The following GPC5 variants were observed in gnomAD, a reference collection of about 807,000 sequenced individuals.
The protein encoded by GPC5 is glypican-5.
A neutral mutation model predicts 53.9 loss-of-function variants in GPC5; 47 were observed. That is an observed-to-expected ratio of 0.87 (90% CI 0.69 to 1.11). GPC5 has a LOEUF of 1.11. Ranked by LOEUF, GPC5 falls within the 50% of genes most tolerant of loss-of-function variation. The pLI, the probability that GPC5 is intolerant of heterozygous loss-of-function variation, is 0.00. For missense variants in GPC5, 748 were observed against 713.1 expected (o/e 1.05, Z -0.56); for synonymous variants, 286 against 263.3 (o/e 1.09, Z -0.84).
chr13:91,440,757 GTT>G (rs1294770138), intron 1 of GPC5, among the ~76,000 whole-genome samples: 1 of 152,136 alleles, frequency 6.6e-6, no homozygotes, highest in African/African-American at 2.4e-5. Flanking sequence ...AATTTAACCG[GTT>G]TGGACTCAAA....
chr13:92,047,618 G>C (rs1036799339), intron 6 of GPC5, among the ~76,000 whole-genome samples: 7 of 151,324 alleles, frequency 4.6e-5, no homozygotes, highest in African/African-American at 1.7e-4. Flanking sequence ...TTTTGCAGTA[G>C]TTTTATTTTA....
At position 91,693,795 on chromosome 13, in the gene GPC5, A is replaced by G; in HGVS notation, c.934A>G (p.Ile312Val). The change falls in exon 3 of 8, where the codon ATT becomes GTT. Residue 312 changes from isoleucine to valine, a missense_variant. Physicochemically the swap from Ile to Val is conservative, Grantham distance 29. Coordinates refer to ENST00000377067, the MANE Select transcript of GPC5 (RefSeq NM_004466.6). The stretch of plus-strand genomic sequence containing the variant: ...GGATGCAATGCATGGAACATACGAC[A>G]TTGGACACGTGCTGCTGAACTTTCA... The part of the protein sequence containing the change: ...LSDAMHGTYD[I>V]GHVLLNFHLL... 1 of 1,613,968 alleles carries G rather than the reference A, an allele frequency of 6.2e-7. No homozygotes were observed. Among genetic ancestry groups the G allele is most frequent in the South Asian group, 1.1e-5 (1 of 91,070 alleles).
intron 7 of GPC5, among the ~76,000 whole-genome samples, chr13:92,671,218 A>C (rs1433256972): frequency 6.6e-6 from 1 of 152,196 alleles, no homozygotes; most frequent in Admixed American, 6.6e-5. Flanking sequence ...CTGTAAAAAA[A>C]ACATTCCGAA....
chr13:92,461,074 T>C (rs1383653398), intron 7 of GPC5, among the ~76,000 whole-genome samples: 1 of 152,140 alleles, frequency 6.6e-6, no homozygotes, highest in African/African-American at 2.4e-5. Context: ...TTTTTTTTTC[T>C]GAAAATCCAT....
At chr13:92,107,949 AT>A (rs1456086366) in intron 6 of GPC5, among the ~76,000 whole-genome samples, 1 of 152,166 alleles carries the variant, frequency 6.6e-6, no homozygotes, top group Non-Finnish European at 1.5e-5. Context: ...ATTTGTCCAA[AT>A]TGCTCTTTTT....
At chr13:91,428,565 G>T (rs1393667051) in intron 1 of GPC5, among the ~76,000 whole-genome samples, 1 of 152,140 alleles carries the variant, frequency 6.6e-6, no homozygotes, top group Non-Finnish European at 1.5e-5. Flanking sequence ...TGGTATGTTG[G>T]TGTTTAGGCT....
At chr13:92,654,969 T>C (rs1886079479) in intron 7 of GPC5, among the ~76,000 whole-genome samples, 1 of 152,016 alleles carries the variant, frequency 6.6e-6, no homozygotes, top group Non-Finnish European at 1.5e-5. Flanking sequence ...AGGAGATGCG[T>C]TTATAGATGG....
Position 92,402,986 on chromosome 13 carries a change from C to T in GPC5, c.1561+257997C>T, listed in dbSNP as rs537482425. Among the ~76,000 whole-genome samples, 20 of 152,236 alleles carry T rather than the reference C, an allele frequency of 1.3e-4. 1 individual carries two copies. The South Asian group carries it at 2.9e-3, about 22-fold the overall frequency. ...TTGACTCATGCCTCCTCAAATCTTT[C>T]GAACGATTACCTGAGAATGTTAAGT... On this transcript the variant is annotated intron_variant, in intron 7 of 7. Transcript: ENST00000377067.
At chr13:91,434,628 G>A (rs1014900474) in intron 1 of GPC5, among the ~76,000 whole-genome samples, 7 of 152,170 alleles carry the variant, frequency 4.6e-5, no homozygotes, top group Admixed American at 4.6e-4. Context: ...TTTGAAGTCA[G>A]GTAGCATGAT....
intron 7 of GPC5, among the ~76,000 whole-genome samples, chr13:92,793,682 TA>T (rs1181373158): frequency 1.3e-5 from 2 of 151,604 alleles, no homozygotes; most frequent in East Asian, 1.9e-4. Flanking sequence ...ATAGACACAA[TA>T]AAAAATGATA....
At chr13:91,624,244 T>C (rs1489897341) in intron 2 of GPC5, among the ~76,000 whole-genome samples, 2 of 152,126 alleles carry the variant, frequency 1.3e-5, no homozygotes, top group Non-Finnish European at 2.9e-5. Flanking sequence ...TTGTATTCTA[T>C]TTATGAGAAG....
intron 5 of GPC5, among the ~76,000 whole-genome samples, chr13:91,803,777 GACAGACAC>G (rs1401153627): frequency 2.6e-5 from 3 of 113,706 alleles, no homozygotes; most frequent in Non-Finnish European, 4.0e-5. Flanking sequence ...CAGACAGACA[GACAGACAC>G]ACACACACAC....
intron 5 of GPC5, among the ~76,000 whole-genome samples, chr13:91,871,614 A>G (rs1258689681): frequency 6.6e-6 from 1 of 152,180 alleles, no homozygotes; most frequent in East Asian, 1.9e-4. Context: ...CAGATTCACA[A>G]ATTACATTGG....
intron 7 of GPC5, among the ~76,000 whole-genome samples, chr13:92,536,444 A>G (rs551131938): frequency 3.9e-4 from 59 of 152,294 alleles, no homozygotes; most frequent in African/African-American, 1.4e-3. Flanking sequence ...CAAAGATCAG[A>G]ATATTCAGAG....
intron 2 of GPC5, among the ~76,000 whole-genome samples, chr13:91,499,644 G>T (rs551760934): frequency 1.9e-4 from 29 of 152,276 alleles, no homozygotes; most frequent in Non-Finnish European, 3.7e-4. Context: ...AATGAAATGT[G>T]TTCTTTTGCA....
intron 2 of GPC5, among the ~76,000 whole-genome samples, chr13:91,603,910 C>T (rs2033263537): frequency 6.6e-6 from 1 of 151,432 alleles, no homozygotes; most frequent in Non-Finnish European, 1.5e-5. Context: ...TTACCCTCTC[C>T]CTTTCTAGTA....
At chr13:91,845,598 A>G (rs1451484204) in intron 5 of GPC5, among the ~76,000 whole-genome samples, 2 of 152,214 alleles carry the variant, frequency 1.3e-5, no homozygotes, top group Non-Finnish European at 2.9e-5. Context: ...ATAGTTTGCT[A>G]TAACCAGGAA....
chr13:92,146,080 C>T (rs2138985664), intron 7 of GPC5, among the ~76,000 whole-genome samples: 1 of 152,138 alleles, frequency 6.6e-6, no homozygotes, highest in East Asian at 1.9e-4. Flanking sequence ...TCTCATTAGA[C>T]ACAGTAATAC....
At chr13:92,561,923 T>G (rs1882710243) in intron 7 of GPC5, among the ~76,000 whole-genome samples, 1 of 152,030 alleles carries the variant, frequency 6.6e-6, no homozygotes, top group Admixed American at 6.6e-5. Context: ...AATTGACTGT[T>G]GTGACCGAAG....
Sources: gnomAD v4.1 joint callset for allele counts (sites outside exome capture counted in the v4.1 genomes callset) on GRCh38, gnomAD v4.1.1 for gene constraint, MANE v1.5 for transcripts, NCBI Gene and HGNC (gene_info 2026-07-23, HGNC 2026-07-21) for gene names.